The following CHD1L variants were observed in gnomAD, a reference collection of about 807,000 sequenced individuals.
CHD1L encodes the protein chromodomain helicase DNA binding protein 1 like.
A neutral mutation model predicts 115.9 loss-of-function variants in CHD1L; 118 were observed. The ratio of observed to expected loss-of-function variants is 1.02; its 90% confidence interval spans 0.88 to 1.19. The LOEUF (loss-of-function observed/expected upper bound fraction) is 1.19. Ranked by LOEUF, CHD1L falls within the 50% of genes most tolerant of loss-of-function variation. The pLI, the probability that CHD1L is intolerant of heterozygous loss-of-function variation, is 0.00. For missense variants in CHD1L, 1,179 were observed against 1,065.3 expected, an observed-to-expected ratio of 1.11 and a Z score of -1.49; for synonymous variants, 411 against 387.1, an observed-to-expected ratio of 1.06 and a Z score of -0.72.
chr1:147,285,231 A>G, intron 16 of CHD1L, 93 bp from the exon 17 acceptor site: 6 of 1,371,684 alleles, frequency 4.4e-6, no homozygotes, highest in Non-Finnish European at 6.0e-6. Flanking sequence ...GTGGAATATT[A>G]AGCATGTTGC....
chr1:147,278,034 A>C (rs1679202734), intron 14 of CHD1L, among the ~76,000 whole-genome samples: 1 of 152,024 alleles, frequency 6.6e-6, no homozygotes, highest in Non-Finnish European at 1.5e-5. Context: ...GCTGGCTGAG[A>C]GCGACTCTGT....
chr1:147,206,324 G>A, the CHD1L span, among the ~76,000 whole-genome samples: 1 of 152,186 alleles, frequency 6.6e-6, no homozygotes, highest in Non-Finnish European at 1.5e-5. Context: ...TGGTGGGACT[G>A]TAAACTAGTT....
the CHD1L span, among the ~76,000 whole-genome samples, chr1:147,232,616 A>G: frequency 6.7e-6 from 1 of 148,564 alleles, no homozygotes; most frequent in Non-Finnish European, 1.5e-5. Context: ...CTCCTGCCTC[A>G]GCCTGCCGAG....
chr1:147,283,190 A>G (rs1338008286), intron 15 of CHD1L, among the ~76,000 whole-genome samples: 17 of 152,198 alleles, frequency 1.1e-4, no homozygotes, highest in Admixed American at 9.8e-4. Flanking sequence ...ATTTTTTTCT[A>G]CTTGTTGATA....
In CHD1L at chr1:147,285,307, T is replaced by A. The variant is rs782132513; in HGVS notation, c.1855-17T>A. 1 of 1,605,402 alleles carries A rather than the reference T, an allele frequency of 6.2e-7. No individual in the cohort carries two copies. The highest frequency in any genetic ancestry group is 2.2e-5 in the East Asian group (1 of 44,810). On this transcript the variant is annotated splice_polypyrimidine_tract_variant and intron_variant, in intron 16 of 22. Transcript: ENST00000369258. ...GAATCTTCTTGACCCTGGTGATGGA[T>A]CTTGTTCTTCCTCTAGGTTCTCATC...
chr1:147,201,197 G>T, the CHD1L span: 1 of 1,614,084 alleles, frequency 6.2e-7, no homozygotes, highest in Admixed American at 1.7e-5. Context: ...TCTGAAATGG[G>T]CATAATGGCT....
At chr1:147,240,048 T>C (rs1241080815), upstream of CHD1L, among the ~76,000 whole-genome samples, 1 of 152,218 alleles carries the variant, frequency 6.6e-6, no homozygotes, top group Non-Finnish European at 1.5e-5. Context: ...AAAATTACTA[T>C]TGCCCCATTA....
At chr1:147,286,211 A>G (rs1683067389) in intron 17 of CHD1L, 87 bp from the exon 18 acceptor site, 1 of 1,257,346 alleles carries the variant, frequency 8.0e-7, no homozygotes, top group Non-Finnish European at 1.1e-6. Context: ...CTTGGCAGAT[A>G]TTGTTTGTGA....
Position 147,265,954 on chromosome 1 carries a change from G to T in CHD1L, c.762G>T (p.Leu254Phe), listed in dbSNP as rs782107935. ...TAGCAAGTGAACTGCACAAACTCTT[G>T]CAGCCATTTCTGCTGAGGCGAGTGA... ...SESASELHKL[L>F]QPFLLRRVKA... Residue 254 changes from leucine to phenylalanine, a missense_variant, in exon 8 of 23, where the codon TTG (leucine) becomes TTT (phenylalanine). By Grantham distance (22) the Leu-to-Phe change is conservative. Coordinates refer to ENST00000369258, the MANE Select transcript of CHD1L (RefSeq NM_004284.6). 5 of 1,612,012 alleles carry T rather than the reference G, an allele frequency of 3.1e-6. No homozygotes were observed. In the South Asian group the frequency reaches 5.5e-5, roughly 18 times the overall value.
chr1:147,179,594 A>G, the CHD1L span: 1 of 1,580,946 alleles, frequency 6.3e-7, no homozygotes, highest in African/African-American at 1.3e-5. Flanking sequence ...AAGAAGAAAA[A>G]CCCAAGAAGA....
intron 18 of CHD1L, 60 bp from the exon 19 acceptor site, chr1:147,287,575 T>C: frequency 8.0e-7 from 1 of 1,252,362 alleles, no homozygotes; most frequent in Non-Finnish European, 1.1e-6. Flanking sequence ...CCTTTGTTTT[T>C]CTAAATTGTG....
At chr1:147,180,497 C>T in the CHD1L span, among the ~76,000 whole-genome samples, 2 of 152,140 alleles carry the variant, frequency 1.3e-5, no homozygotes, top group Non-Finnish European at 2.9e-5. Context: ...TTCGCCATTC[C>T]GGCCAGGATG....
chr1:147,208,971 A>G, the CHD1L span: 1 of 1,613,580 alleles, frequency 6.2e-7, no homozygotes, highest in South Asian at 1.1e-5. Flanking sequence ...TAAGTCGAGA[A>G]GAGAACAACA....
In CHD1L at chr1:147,295,628, T is replaced by C. The variant is rs1687254552; in HGVS notation, c.*119T>C. On this transcript the variant is annotated 3_prime_UTR_variant, in exon 23 of 23. Transcript: ENST00000369258. ...GGTGGGCCTCAGAAATTGTCTCTTT[T>C]CTGAGTTTCAGTTTGGTTCTCCTGG... 2.7e-6 allele frequency: 2 copies of C among 742,400 alleles called. No individual in the cohort carries two copies. Among genetic ancestry groups the C allele is most frequent in the Non-Finnish European group, 4.3e-6 (2 of 470,582 alleles). The allele number at this position is 742,400 out of a possible 1,614,324, so 46.0% of individuals were successfully genotyped here. A position where few individuals can be genotyped will look rare whatever the true frequency, so the allele number is the denominator to read the frequency against.
chr1:147,213,104 G>T, the CHD1L span, among the ~76,000 whole-genome samples: 3 of 152,086 alleles, frequency 2.0e-5, no homozygotes, highest in Non-Finnish European at 2.9e-5. Flanking sequence ...AAACTAAATA[G>T]ACTGCAAATT....
chr1:147,208,790 G>A, the CHD1L span: 2 of 1,398,606 alleles, frequency 1.4e-6, no homozygotes, highest in Middle Eastern at 1.8e-4. Context: ...ATTAGCCAGT[G>A]TGAAGAGTCC....
chr1:147,200,173 A>AT, the CHD1L span, among the ~76,000 whole-genome samples: 3 of 151,924 alleles, frequency 2.0e-5, no homozygotes, highest in African/African-American at 7.3e-5. Context: ...AAGGTTTTGG[A>AT]TTTTTTTCTT....
chr1:147,259,267 A>T (rs1479629333), intron 5 of CHD1L: 1 of 152,228 alleles, frequency 6.6e-6, no homozygotes, highest in Admixed American at 6.5e-5. Context: ...TTCCATGTCA[A>T]CAAATTCAGT....
chr1:147,287,720 T>G lies in CHD1L; in HGVS notation c.2307T>G (p.Ala769=), dbSNP rs912055166. 6.2e-7 allele frequency: 1 copy of G among 1,613,880 alleles called. No homozygotes were observed. Among genetic ancestry groups the G allele is most frequent in the African/African-American group, 1.3e-5 (1 of 75,010 alleles). The change falls in exon 19 of 23, where the codon GCT becomes GCG. Residue 769 remains alanine, a synonymous_variant. Coordinates refer to ENST00000369258, the MANE Select transcript of CHD1L (RefSeq NM_004284.6). ...AGCCAAGAAAAATATATGAGCTGGC[T>G]GGGAAAATGAAAGGTAAGAAGCAAA... ...SAEPRKIYEL[A]GKMKDLSLGG... is the part of the protein sequence containing the mutation.
Sources: allele counts gnomAD v4.1 joint callset (sites outside exome capture counted in the v4.1 genomes callset), GRCh38; gene constraint gnomAD v4.1.1; transcripts MANE v1.5; gene names NCBI Gene and HGNC (gene_info 2026-07-23, HGNC 2026-07-21).